The following PCDH10 variants were observed in gnomAD, a reference collection of about 807,000 sequenced individuals.
The protein encoded by PCDH10 is protocadherin-10.
A neutral mutation model predicts 74.4 loss-of-function variants in PCDH10; 15 were observed. The ratio of observed to expected loss-of-function variants is 0.20; its 90% CI spans 0.13 to 0.31. The LOEUF (loss-of-function observed/expected upper bound fraction) is 0.31, where lower values mean the gene tolerates loss of function less well. Ranked by LOEUF, PCDH10 falls within the 10% of genes least tolerant of loss-of-function variation. PCDH10 has a pLI of 1.00. For missense variants in PCDH10, 1,260 were observed against 1,390.2 expected (o/e 0.91, Z 1.49); for synonymous variants, 619 against 589.8 (o/e 1.05, Z -0.72).
In PCDH10 at chr4:133,191,331, A is replaced by T. The variant is rs2125874251; in HGVS notation, c.*1171A>T. ...AAAATCTATAATTCTATATGAATAT[A>T]TAGAGATATAGAAACATCTGAACTG... On this transcript the variant is annotated 3_prime_UTR_variant, in exon 5 of 5. Transcript: ENST00000264360. 1 of 152,348 alleles carries T rather than the reference A, an allele frequency of 6.6e-6. No homozygotes were observed. The allele number at this position is 152,348 out of a possible 1,614,324, so 9.4% of individuals were successfully genotyped here.
chr4:133,174,051 CT>C (rs1727247161), intron 4 of PCDH10, among the ~76,000 whole-genome samples: 2 of 152,030 alleles, frequency 1.3e-5, no homozygotes, highest in African/African-American at 4.8e-5. Flanking sequence ...TGAGTCTTCT[CT>C]TTACTGGATT....
At chr4:133,161,740 T>A (rs1271998758) in intron 3 of PCDH10, among the ~76,000 whole-genome samples, 3 of 151,798 alleles carry the variant, frequency 2.0e-5, no homozygotes, top group South Asian at 2.1e-4. Flanking sequence ...TTTCTTTTTT[T>A]AAAATATTAT....
At chr4:133,207,869 C>T (rs1435152131) in intron 2 of PCDH10, among the ~76,000 whole-genome samples, 1 of 151,874 alleles carries the variant, frequency 6.6e-6, no homozygotes, top group East Asian at 1.9e-4. Context: ...CTGTGATGGC[C>T]CATAATGATT....
intron 4 of PCDH10, among the ~76,000 whole-genome samples, chr4:133,164,938 T>C (rs957021883): frequency 6.7e-6 from 1 of 148,396 alleles, no homozygotes; most frequent in African/African-American, 2.4e-5. Context: ...TTGCTCATTT[T>C]ATATATATAT....
rs766272106 is a variant in PCDH10 at position 133,150,765 on chromosome 4, G to A, written c.625G>A (p.Gly209Arg). 2.5e-6 allele frequency: 4 copies of A among 1,598,392 alleles called. No individual in the cohort carries two copies. The highest frequency in any genetic ancestry group is 2.2e-5 in the South Asian group (2 of 89,428). Residue 209 changes from glycine to arginine, a missense_variant, in exon 1 of 5, where the codon GGG becomes AGG. Physicochemically the swap from Gly to Arg is moderately radical, Grantham distance 125 (BLOSUM62 -2). Coordinates refer to ENST00000264360, the MANE Select transcript of PCDH10 (RefSeq NM_032961.3). The part of the protein sequence containing the change: ...YVLTAVDGGG[G>R]GGVGEGGGGG... Reference sequence around the variant, plus strand: ...GCTGACCGCGGTGGACGGAGGAGGTGGGGGAGGAGTAGGAGAAGGAGGGGG... The same window carrying A: ...GCTGACCGCGGTGGACGGAGGAGGTAGGGGAGGAGTAGGAGAAGGAGGGGG...
chr4:133,196,810 T>C (rs1380337795), downstream of PCDH10, among the ~76,000 whole-genome samples: 2 of 152,224 alleles, frequency 1.3e-5, no homozygotes, highest in African/African-American at 4.8e-5. Flanking sequence ...TTAACTGCAA[T>C]AATTTTCTCA....
At chr4:133,200,297 G>C (rs1011178150) in intron 2 of PCDH10, among the ~76,000 whole-genome samples, 6 of 151,484 alleles carry the variant, frequency 4.0e-5, no homozygotes, top group Non-Finnish European at 8.8e-5. Flanking sequence ...ACTTTGGCTA[G>C]TATATGTACC....
intron 2 of PCDH10, 34 bp downstream of exon 2, chr4:133,154,399 C>T (rs201437592): frequency 1.1e-5 from 14 of 1,265,988 alleles, no homozygotes; most frequent in African/African-American, 1.5e-5. Flanking sequence ...CAGTAATGGA[C>T]AATTTACAAC....
chr4:133,202,100 A>G (rs1461502193), intron 2 of PCDH10, among the ~76,000 whole-genome samples: 3 of 152,104 alleles, frequency 2.0e-5, no homozygotes, highest in African/African-American at 7.2e-5. Context: ...ATGCAGTGGA[A>G]GAAACTCCCT....
At chr4:133,160,660 G>A (rs1207264187) in intron 3 of PCDH10, among the ~76,000 whole-genome samples, 12 of 149,846 alleles carry the variant, frequency 8.0e-5, no homozygotes, top group Admixed American at 3.4e-4. Flanking sequence ...GTGTGGAATC[G>A]TCATATTCAC....
At chr4:133,157,390 T>G (rs1290348174) in intron 3 of PCDH10, among the ~76,000 whole-genome samples, 2 of 152,214 alleles carry the variant, frequency 1.3e-5, no homozygotes, top group Admixed American at 1.3e-4. Flanking sequence ...GCAGCTAGAC[T>G]ATTTCCAAAA....
intron 4 of PCDH10, among the ~76,000 whole-genome samples, chr4:133,179,502 T>G (rs1727365634): frequency 6.6e-6 from 1 of 152,178 alleles, no homozygotes; most frequent in Admixed American, 6.6e-5. Context: ...TGTGTGTTTA[T>G]ACATTCTGTT....
intron 3 of PCDH10, among the ~76,000 whole-genome samples, chr4:133,156,825 C>T (rs1390254875): frequency 1.3e-5 from 2 of 152,106 alleles, no homozygotes; most frequent in African/African-American, 2.4e-5. Flanking sequence ...AATGAATAAA[C>T]ATCTGCAAAA....
chr4:133,154,041 A>G (rs1159623057), intron 1 of PCDH10, among the ~76,000 whole-genome samples: 2 of 152,114 alleles, frequency 1.3e-5, no homozygotes, highest in Non-Finnish European at 2.9e-5. Context: ...GGTCATTTGC[A>G]TTTTCTCTTT....
chr4:133,168,206 A>T (rs747347513), intron 4 of PCDH10, among the ~76,000 whole-genome samples: 24 of 151,254 alleles, frequency 1.6e-4, no homozygotes, highest in Non-Finnish European at 2.8e-4. Flanking sequence ...AGCTAGTAGA[A>T]TTTAAAGTGA....
At chr4:133,153,125 T>C (rs1445184040) in intron 1 of PCDH10, 1 of 1,257,356 alleles carries the variant, frequency 8.0e-7, no homozygotes, top group East Asian at 3.5e-5. Context: ...ACTTACTTTC[T>C]AGCACTGGCA....
intron 4 of PCDH10, among the ~76,000 whole-genome samples, chr4:133,168,383 A>G (rs980909654): frequency 2.0e-5 from 3 of 151,544 alleles, no homozygotes; most frequent in Admixed American, 1.3e-4. Context: ...ATTTGGAACT[A>G]GTTTCATCCA....
intron 1 of PCDH10, 148 bp downstream of exon 1, chr4:133,152,919 C>T: frequency 5.5e-6 from 8 of 1,459,364 alleles, no homozygotes; most frequent in Non-Finnish European, 7.3e-6. Flanking sequence ...GGGCGGTCAC[C>T]TTCTCCCACT....
chr4:133,203,104 T>C (rs1578583508), intron 2 of PCDH10, among the ~76,000 whole-genome samples: 1 of 151,942 alleles, frequency 6.6e-6, no homozygotes, highest in Non-Finnish European at 1.5e-5. Flanking sequence ...TCTATGAGAG[T>C]TCTGTATTTC....
Sources: gnomAD v4.1 joint callset for allele counts (sites outside exome capture counted in the v4.1 genomes callset) on GRCh38, gnomAD v4.1.1 for gene constraint, MANE v1.5 for transcripts, NCBI Gene and HGNC (gene_info 2026-07-23, HGNC 2026-07-21) for gene names.